Variants in IQCM observed in about 807,000 individuals in gnomAD.
The protein encoded by IQCM is IQ motif containing M.
A neutral mutation model predicts 57.6 loss-of-function variants in IQCM; 45 were observed. The ratio of observed to expected loss-of-function variants is 0.78; its 90% CI spans 0.62 to 1.00. IQCM has a LOEUF of 1.00. Among genes scored for constraint, IQCM ranks in the 50% least tolerant of loss-of-function variants. The probability of loss-of-function intolerance (pLI) is 0.00; values close to 1 mark genes in which losing one functional copy is unlikely to be tolerated. For missense variants in IQCM, 468 were observed against 511.6 expected (o/e 0.91, Z 0.82); for synonymous variants, 148 against 158.9 (o/e 0.93, Z 0.51).
intron 12 of IQCM, among the ~76,000 whole-genome samples, chr4:149,470,042 A>G (rs994678572): frequency 7.4e-4 from 112 of 152,326 alleles, no homozygotes; most frequent in African/African-American, 2.5e-3. Context: ...AAGACCATCA[A>G]TGCTAGGAAG....
At chr4:149,420,049 G>GTAAAT (rs1363225114) in intron 13 of IQCM, among the ~76,000 whole-genome samples, 1 of 152,118 alleles carries the variant, frequency 6.6e-6, no homozygotes, top group Non-Finnish European at 1.5e-5. Context: ...TGGTGGGAAT[G>GTAAAT]TAAATTAGTT....
At chr4:149,740,265 A>T (rs1054689350) in intron 3 of IQCM, among the ~76,000 whole-genome samples, 7 of 152,200 alleles carry the variant, frequency 4.6e-5, no homozygotes, top group African/African-American at 1.7e-4. Flanking sequence ...CAGGTGTAAC[A>T]AAAGCCCCAC....
intron 9 of IQCM, among the ~76,000 whole-genome samples, chr4:149,564,808 A>AATTCCT (rs1462626332): frequency 1.1e-4 from 8 of 71,440 alleles, no homozygotes; most frequent in African/African-American, 4.9e-4. Flanking sequence ...ATACTTAATA[A>AATTCCT]ATTCCTATAT....
At chr4:149,624,666 A>G (rs1300107574) in intron 7 of IQCM, among the ~76,000 whole-genome samples, 1 of 152,240 alleles carries the variant, frequency 6.6e-6, no homozygotes, top group East Asian at 1.9e-4. Context: ...TTGTAGTGAC[A>G]AATATTATCT....
At chr4:149,461,494 A>G (rs1738279985) in intron 12 of IQCM, among the ~76,000 whole-genome samples, 1 of 151,988 alleles carries the variant, frequency 6.6e-6, no homozygotes, top group African/African-American at 2.4e-5. Flanking sequence ...ATTTACAAAC[A>G]AATACAAAAA....
chr4:149,786,448 C>T (rs1772088795), intron 2 of IQCM, among the ~76,000 whole-genome samples: 2 of 152,126 alleles, frequency 1.3e-5, no homozygotes, highest in East Asian at 3.9e-4. Context: ...AGAACCACCC[C>T]AAAGTAGAAG....
chr4:149,415,124 T>G (rs1278249125), intron 13 of IQCM, among the ~76,000 whole-genome samples: 1 of 152,182 alleles, frequency 6.6e-6, no homozygotes, highest in Admixed American at 6.5e-5. Context: ...ATACTTTGAT[T>G]AAAATGCCAT....
At chr4:149,424,584 T>C (rs1734339174) in intron 13 of IQCM, among the ~76,000 whole-genome samples, 1 of 151,840 alleles carries the variant, frequency 6.6e-6, no homozygotes, top group South Asian at 2.1e-4. Context: ...AAAGTTTATA[T>C]ATTCTTAACT....
chr4:149,483,640 T>C (rs558006912), intron 12 of IQCM, among the ~76,000 whole-genome samples: 2 of 151,976 alleles, frequency 1.3e-5, no homozygotes, highest in Non-Finnish European at 2.9e-5. Flanking sequence ...AGATGCTTGA[T>C]GTTATTTCAG....
chr4:149,371,177 G>A (rs947922040), intron 13 of IQCM, among the ~76,000 whole-genome samples: 1 of 152,062 alleles, frequency 6.6e-6, no homozygotes, highest in Non-Finnish European at 1.5e-5. Context: ...GGGTAAATAT[G>A]CTCAAAGTTG....
chr4:149,626,132 C>A (rs1430722805), intron 7 of IQCM, among the ~76,000 whole-genome samples: 4 of 151,752 alleles, frequency 2.6e-5, no homozygotes, highest in Non-Finnish European at 2.9e-5. Flanking sequence ...GCAGACCCAC[C>A]CTTAGCCTGG....
intron 13 of IQCM, among the ~76,000 whole-genome samples, chr4:149,429,071 C>A (rs1734645744): frequency 6.6e-6 from 1 of 151,780 alleles, no homozygotes; most frequent in South Asian, 2.1e-4. Context: ...CTAATCCACC[C>A]CTTCAAGGTA....
intron 9 of IQCM, among the ~76,000 whole-genome samples, chr4:149,565,946 A>G (rs1750589217): frequency 6.6e-6 from 1 of 152,188 alleles, no homozygotes; most frequent in Non-Finnish European, 1.5e-5. Flanking sequence ...TGAGCCAAAT[A>G]TATATCATTT....
chr4:149,510,818 A>G (rs1308144903), intron 12 of IQCM, among the ~76,000 whole-genome samples: 1 of 152,166 alleles, frequency 6.6e-6, no homozygotes, highest in Non-Finnish European at 1.5e-5. Context: ...TGCCCTTCTC[A>G]TCACATCATA....
At chr4:149,575,010 C>T (rs1380267768) in intron 9 of IQCM, among the ~76,000 whole-genome samples, 1 of 151,888 alleles carries the variant, frequency 6.6e-6, no homozygotes, top group Admixed American at 6.6e-5. Flanking sequence ...CACTGCTTTC[C>T]TGATTAGACT....
chr4:149,521,689 T>C (rs1013358936), intron 12 of IQCM, among the ~76,000 whole-genome samples: 3 of 152,222 alleles, frequency 2.0e-5, no homozygotes, highest in African/African-American at 2.4e-5. Flanking sequence ...ACTGGACTAA[T>C]TGGGTGTGAC....
chr4:149,466,829 T>A (rs1490061201), intron 12 of IQCM, among the ~76,000 whole-genome samples: 9 of 152,102 alleles, frequency 5.9e-5, no homozygotes, highest in African/African-American at 2.2e-4. Context: ...AAGATCAAGG[T>A]TCCAGCAGAT....
chr4:149,558,578 C>T (rs1040841791), intron 10 of IQCM, among the ~76,000 whole-genome samples: 1 of 151,962 alleles, frequency 6.6e-6, no homozygotes, highest in African/African-American at 2.4e-5. Flanking sequence ...CCATGAAGAA[C>T]AATAAAGTGT....
chr4:149,494,935 C>G (rs1428142144), intron 12 of IQCM, among the ~76,000 whole-genome samples: 3 of 152,028 alleles, frequency 2.0e-5, no homozygotes, highest in African/African-American at 7.2e-5. Context: ...AAGTGAAAAC[C>G]AAGAAACCAC....
Sources: gnomAD v4.1 joint callset for allele counts (sites outside exome capture counted in the v4.1 genomes callset) on GRCh38, gnomAD v4.1.1 for gene constraint, MANE v1.5 for transcripts, NCBI Gene and HGNC (gene_info 2026-07-23, HGNC 2026-07-21) for gene names.